The following CECR2 variants were observed in gnomAD, a reference collection of about 807,000 sequenced individuals.
The protein encoded by CECR2 is CECR2 histone acetyl-lysine reader, also known as chromatin remodeling regulator CECR2.
CECR2 carries 30 observed loss-of-function variants against 154.5 expected under a neutral mutation model. The observed-to-expected ratio is 0.19, with a 90% confidence interval of 0.15 to 0.26. CECR2 has a LOEUF of 0.26. CECR2 is among the 10% of genes least tolerant of loss of function. The probability of loss-of-function intolerance (pLI) is 1.00; values close to 1 mark genes in which losing one functional copy is unlikely to be tolerated. For missense variants in CECR2, 1,743 were observed against 1,829.3 expected (o/e 0.95, Z 0.86); for synonymous variants, 725 against 683.7 (o/e 1.06, Z -0.94).
At position 17,410,843 on chromosome 22, in the gene CECR2, AT is replaced by A. The variant is rs544536680; in HGVS notation, c.126+40937del. Among the ~76,000 whole-genome samples, 258 of 152,276 alleles carry A rather than the reference AT, an allele frequency of 1.7e-3. 2 individuals carry two copies. Among genetic ancestry groups the A allele is most frequent in the South Asian group, 0.01 (49 of 4,830 alleles). ...TTTATAACACATTCTAGAAGCCCAC[AT>A]TTGTCTTTCTTTTCTCTGATTCATT... On this transcript the variant is annotated intron_variant, in intron 1 of 18. Transcript: ENST00000262608.
intron 1 of CECR2, among the ~76,000 whole-genome samples, chr22:17,393,340 G>C (rs1214347798): frequency 6.6e-6 from 1 of 152,140 alleles, no homozygotes; most frequent in Non-Finnish European, 1.5e-5. Context: ...GTTGTAGAAA[G>C]TATCAGTATA....
intron 7 of CECR2, among the ~76,000 whole-genome samples, chr22:17,505,496 A>G (rs1296605575): frequency 2.2e-5 from 3 of 139,424 alleles, no homozygotes; most frequent in South Asian, 2.3e-4. Flanking sequence ...TGTACACCCT[A>G]CTTCATGCAT....
chr22:17,404,563 C>T (rs1403025343), intron 1 of CECR2, among the ~76,000 whole-genome samples: 2 of 138,638 alleles, frequency 1.4e-5, no homozygotes, highest in Non-Finnish European at 3.1e-5. Context: ...TTAGTAGAGA[C>T]GGGGTTTCAC....
At chr22:17,543,588 G>A (rs540857405) in intron 16 of CECR2, among the ~76,000 whole-genome samples, 175 of 148,402 alleles carry the variant, frequency 1.2e-3, no homozygotes, top group Non-Finnish European at 2.0e-3. Flanking sequence ...TTGAGACAGA[G>A]TCCCACTCTT....
chr22:17,361,602 G>T lies in CECR2; in HGVS notation c.-364+1579G>T, dbSNP rs138596671. Among the ~76,000 whole-genome samples, 1,145 of 152,164 alleles carry T rather than the reference G, an allele frequency of 7.5e-3. 8 individuals carry two copies. Among genetic ancestry groups the T allele is most frequent in the Middle Eastern group, 0.01 (3 of 294 alleles). Reference sequence around the variant, plus strand: ...AAAAATATAAAAATTAGCCGGGCATGGTGGCGGGCACCCATAATTCTAGCT... The same window carrying T: ...AAAAATATAAAAATTAGCCGGGCATTGTGGCGGGCACCCATAATTCTAGCT... On this transcript the variant is annotated intron_variant, in intron 1 of 18. Coordinates refer to the CECR2 transcript ENST00000400585.
At position 17,558,138 on chromosome 22, in the gene CECR2, G is replaced by T. The variant is rs1490863654; in HGVS notation, c.*5298G>T. 1 of 152,174 alleles carries T rather than the reference G, an allele frequency of 6.6e-6. No homozygotes were observed. Among genetic ancestry groups the T allele is most frequent in the Non-Finnish European group, 1.5e-5 (1 of 68,040 alleles). 9.4% of individuals were successfully genotyped at this position (152,174 alleles called of 1,614,324 possible). A position where few individuals can be genotyped will look rare whatever the true frequency, so the allele number is the denominator to read the frequency against. On this transcript the variant is annotated 3_prime_UTR_variant, in exon 19 of 19. Transcript: ENST00000262608. Reference sequence around the variant, plus strand: ...ACTGGTTATTTTGTATAAAGTACATGCTTAAAATAGCAAGGCTCCTCTGTG... The same window carrying T: ...ACTGGTTATTTTGTATAAAGTACATTCTTAAAATAGCAAGGCTCCTCTGTG...
Position 17,500,714 on chromosome 22 carries a change from TGC to T in CECR2, c.630_631del (p.Gln211GlyfsTer7), listed in dbSNP as rs1344611772. 7.1e-6 allele frequency: 11 copies of T among 1,554,266 alleles called. No homozygotes were observed. In the Admixed American group the frequency reaches 2.1e-4, roughly 30 times the overall value. On this transcript the variant is annotated frameshift_variant, in exon 5 of 19. Coordinates refer to ENST00000262608, the MANE Select transcript of CECR2 (RefSeq NM_001290047.2). LOFTEE classifies it high-confidence loss of function. Reference sequence around the variant, plus strand: ...GGAAGACCCCCAAAACGGAAGAAACTGCAGGAGGAGATTCTGTTGAGGTAAGA... The same window carrying T: ...GGAAGACCCCCAAAACGGAAGAAACTAGGAGGAGATTCTGTTGAGGTAAGA...
rs5747226 is a variant in CECR2, at chr22:17,549,697, C to T, written c.4277+133C>T. 2.5e-4 allele frequency: 184 copies of T among 750,020 alleles called. 1 individual carries two copies. Among genetic ancestry groups the T allele is most frequent in the Non-Finnish European group, 3.2e-4 (152 of 470,240 alleles). 46.5% of individuals were successfully genotyped at this position (750,020 alleles called of 1,614,324 possible). On this transcript the variant is annotated intron_variant, in intron 17 of 18. Coordinates refer to ENST00000262608, the MANE Select transcript of CECR2 (RefSeq NM_001290047.2). ...GTGTGATCATGGCTCACGGCGGCATCGACCTCCCAGGCTCAAGGATCCTCC... is the reference window on the plus strand; with the variant it reads ...GTGTGATCATGGCTCACGGCGGCATTGACCTCCCAGGCTCAAGGATCCTCC...
chr22:17,472,170 A>G (rs1468224065), intron 1 of CECR2, among the ~76,000 whole-genome samples: 1 of 152,196 alleles, frequency 6.6e-6, no homozygotes, highest in Admixed American at 6.5e-5. Context: ...CTCTTGGCCA[A>G]CTGAAAGTGT....
chr22:17,529,389 C>T (rs1414111054), intron 9 of CECR2, among the ~76,000 whole-genome samples: 1 of 151,946 alleles, frequency 6.6e-6, no homozygotes, highest in Non-Finnish European at 1.5e-5. Flanking sequence ...TTGGGATGGG[C>T]TGTGCAGACC....
At chr22:17,516,091 G>T (rs185134061) in intron 8 of CECR2, among the ~76,000 whole-genome samples, 1 of 152,000 alleles carries the variant, frequency 6.6e-6, no homozygotes, top group Non-Finnish European at 1.5e-5. Flanking sequence ...TGACTTCTTC[G>T]TGTAAAGGTT....
At chr22:17,383,971 C>T (rs1358474723) in intron 1 of CECR2, among the ~76,000 whole-genome samples, 2 of 152,042 alleles carry the variant, frequency 1.3e-5, no homozygotes, top group Non-Finnish European at 2.9e-5. Flanking sequence ...CTGTGCCTGG[C>T]CCAGGTCCAC....
In CECR2 at chr22:17,552,103, G is replaced by A. The variant is rs755151173; in HGVS notation, c.4350G>A (p.Glu1450=). 1 of 1,613,964 alleles carries A rather than the reference G, an allele frequency of 6.2e-7. No homozygotes were observed. Among genetic ancestry groups the A allele is most frequent in the South Asian group, 1.1e-5 (1 of 91,084 alleles). ...KTPTAATSQE[E]VPPHKPPTLP... ...CCACAGCAGCAACATCACAGGAGGA[G>A]GTGCCGCCTCATAAGCCTCCAACAC... The change falls in exon 18 of 19, where the codon GAG becomes GAA. Residue 1450 remains glutamate, a synonymous_variant. Transcript: ENST00000262608.
chr22:17,440,239 A>G (rs1033862385), intron 1 of CECR2, among the ~76,000 whole-genome samples: 2 of 152,106 alleles, frequency 1.3e-5, no homozygotes, highest in African/African-American at 4.8e-5. Context: ...GGGTATCTGT[A>G]TTTATTCACA....
At chr22:17,416,516 A>C (rs536321313) in intron 1 of CECR2, among the ~76,000 whole-genome samples, 3 of 152,244 alleles carry the variant, frequency 2.0e-5, no homozygotes, top group Admixed American at 2.0e-4. Context: ...AATCTTGATC[A>C]TACTGTTATT....
At chr22:17,534,384 A>G (rs1337929102) in intron 9 of CECR2, among the ~76,000 whole-genome samples, 2 of 152,260 alleles carry the variant, frequency 1.3e-5, no homozygotes, top group Non-Finnish European at 2.9e-5. Flanking sequence ...TATAAGTTCC[A>G]GATACACTAA....
chr22:17,460,215 G>A (rs2054916658), intron 1 of CECR2, among the ~76,000 whole-genome samples: 1 of 152,050 alleles, frequency 6.6e-6, no homozygotes, highest in Admixed American at 6.5e-5. Flanking sequence ...AAAAAATTTA[G>A]ATTTAATTTT....
At chr22:17,365,215 ACT>A (rs1232428366), upstream of CECR2, among the ~76,000 whole-genome samples, 2 of 151,312 alleles carry the variant, frequency 1.3e-5, no homozygotes, top group Admixed American at 6.6e-5. Flanking sequence ...CAAGAGTGAA[ACT>A]CTGTCTAAAA....
chr22:17,453,617 A>T (rs945963756), intron 1 of CECR2, among the ~76,000 whole-genome samples: 1 of 152,188 alleles, frequency 6.6e-6, no homozygotes, highest in African/African-American at 2.4e-5. Context: ...ACTGTATATA[A>T]AAAGGATACA....
Sources: gnomAD v4.1 joint callset for allele counts (sites outside exome capture counted in the v4.1 genomes callset) on GRCh38, gnomAD v4.1.1 for gene constraint, MANE v1.5 for transcripts, NCBI Gene and HGNC (gene_info 2026-07-23, HGNC 2026-07-21) for gene names.